The following LSG1 variants were observed in gnomAD, a reference collection of about 807,000 sequenced individuals.
LSG1 encodes the protein large 60S subunit nuclear export GTPase 1, also known as large subunit GTPase 1 homolog.
LSG1 carries 55 observed loss-of-function variants against 82.6 expected under a neutral mutation model. That is an observed-to-expected ratio of 0.67 (90% confidence interval 0.54 to 0.83). LSG1 has a LOEUF of 0.83. Among genes scored for constraint, LSG1 ranks in the 40% least tolerant of loss-of-function variants. LSG1 has a pLI of 0.00. For missense variants in LSG1, 809 were observed against 807.9 expected, an observed-to-expected ratio of 1.00 and a Z score of -0.02; for synonymous variants, 272 against 282.5, an observed-to-expected ratio of 0.96 and a Z score of 0.37.
chr3:194,650,701 G>C, intron 10 of LSG1, 180 bp downstream of exon 10: 1 of 594,612 alleles, frequency 1.7e-6, no homozygotes, highest in South Asian at 2.4e-5. Flanking sequence ...AGGCTACACT[G>C]CTGAAATCAG....
intron 6 of LSG1, 86 bp downstream of exon 6, chr3:194,659,987 G>T: frequency 8.6e-7 from 1 of 1,168,670 alleles, no homozygotes; most frequent in Non-Finnish European, 1.3e-6. Context: ...AGGGCAGAAT[G>T]TATGCCTACA....
In LSG1 at chr3:194,642,151, C is replaced by G. The variant is rs1160580114; in HGVS notation, c.1894G>C (p.Gly632Arg). The part of the protein sequence containing the change: ...VTASTASSEN[G>R]AGKPWKKHGN... The stretch of plus-strand genomic sequence containing the variant: ...TGTTTTTTCCAGGGCTTCCCCGCCC[C>G]GTTCTCAGAGCTCGCAGTGGATGCA... Residue 632 changes from glycine (G) to arginine (R), a missense_variant, in exon 14 of 14, where the codon GGG becomes CGG. Gly to Arg is a moderately radical substitution (Grantham distance 125, BLOSUM62 -2). Transcript: ENST00000265245. The G allele has an allele frequency of 1.2e-5, 19 of 1,613,966 alleles. No individual in the cohort carries two copies. The highest frequency in any genetic ancestry group is 1.6e-5 in the Non-Finnish European group (19 of 1,180,038).
chr3:194,661,189 C>T (rs547679944), intron 5 of LSG1, among the ~76,000 whole-genome samples: 1 of 152,366 alleles, frequency 6.6e-6, no homozygotes, highest in South Asian at 2.1e-4. Flanking sequence ...CTGACACAAA[C>T]TCACAGAGTT....
chr3:194,671,929 G>T, intron 1 of LSG1, 135 bp downstream of exon 1: 1 of 766,966 alleles, frequency 1.3e-6, no homozygotes, highest in Non-Finnish European at 2.2e-6. Context: ...TACTCAGCTT[G>T]GCAGAAACTC....
At chr3:194,660,551 C>T (rs1390548334) in intron 5 of LSG1, among the ~76,000 whole-genome samples, 2 of 152,206 alleles carry the variant, frequency 1.3e-5, no homozygotes, top group Non-Finnish European at 2.9e-5. Context: ...TATTCAATCC[C>T]TAATCTGCCC....
At chr3:194,668,972 A>G (rs917523141) in intron 2 of LSG1, among the ~76,000 whole-genome samples, 5 of 152,188 alleles carry the variant, frequency 3.3e-5, no homozygotes, top group African/African-American at 1.2e-4. Flanking sequence ...ACATGATCTC[A>G]CTTATACGTG....
chr3:194,643,644 C>T (rs919092835), intron 13 of LSG1, among the ~76,000 whole-genome samples: 2 of 152,164 alleles, frequency 1.3e-5, no homozygotes, highest in Admixed American at 6.5e-5. Context: ...TTTGGCAATA[C>T]CTCAAATGTT....
At chr3:194,658,872 G>A in intron 7 of LSG1, 85 bp downstream of exon 7, 4 of 1,328,874 alleles carry the variant, frequency 3.0e-6, no homozygotes, top group Non-Finnish European at 4.2e-6. Context: ...TTTTCCATAA[G>A]AATAAACAAA....
rs528901661 is a variant in LSG1 at position 194,650,077 on chromosome 3, G to A, written c.1419+804C>T. Among the ~76,000 whole-genome samples the A allele has an allele frequency of 5.9e-5, 9 of 152,098 alleles. No homozygotes were observed. The South Asian group carries it at 1.7e-3, about 28-fold the overall frequency. Reference sequence around the variant, plus strand: ...TGGGACTACAGGTGTGCACCACCACGCCCAGCTAATTTTTGTATTTTTAGT... The same window carrying A: ...TGGGACTACAGGTGTGCACCACCACACCCAGCTAATTTTTGTATTTTTAGT... On this transcript the variant is annotated intron_variant, in intron 10 of 13. Transcript: ENST00000265245.
At chr3:194,645,597 C>CACACAG (rs1718532661) in intron 12 of LSG1, among the ~76,000 whole-genome samples, 1 of 112,400 alleles carries the variant, frequency 8.9e-6, no homozygotes, top group African/African-American at 3.6e-5. Flanking sequence ...CACACACACA[C>CACACAG]ACACACACAC....
rs34423045 is a variant in LSG1, at chr3:194,666,524, A to G, written c.275T>C (p.Leu92Pro). The G allele has an allele frequency of 0.051, 82,490 of 1,613,562 alleles. 2,628 individuals carry two copies. The highest frequency in any genetic ancestry group is 0.13 in the Middle Eastern group (766 of 6,054). ...AATTCTCTGGCTCTCCTCGAAAGACAGTAGTCCAGTTCTAGCCTCAGCAGG... is the reference window on the plus strand; with the variant it reads ...AATTCTCTGGCTCTCCTCGAAAGACGGTAGTCCAGTTCTAGCCTCAGCAGG... ...FVPAEARTGLLSFEESQRIKK... is the reference protein window; with the variant it reads ...FVPAEARTGLPSFEESQRIKK... The change falls in exon 3 of 14, where the codon CTG (leucine) becomes CCG (proline). Residue 92 changes from leucine (L) to proline (P), a missense_variant. Physicochemically the swap from Leu to Pro is moderately conservative, Grantham distance 98. Coordinates refer to ENST00000265245, the MANE Select transcript of LSG1 (RefSeq NM_018385.3).
In LSG1 at chr3:194,641,779, A is replaced by G. The variant is rs910677158; in HGVS notation, c.*289T>C. The G allele has an allele frequency of 1.3e-5, 3 of 233,370 alleles. No homozygotes were observed. The highest frequency in any genetic ancestry group is 8.8e-5 in the East Asian group (1 of 11,376). 14.5% of individuals were successfully genotyped at this position (233,370 alleles called of 1,614,324 possible). On this transcript the variant is annotated 3_prime_UTR_variant, in exon 14 of 14. Transcript: ENST00000265245. ...CAGGTGCGCGCCACCACGCCTGGCT[A>G]ATTTTTTTGTATTTTTAGTAGAGAC...
intron 10 of LSG1, 21 bp downstream of exon 10, chr3:194,650,860 T>C: frequency 6.3e-7 from 1 of 1,598,718 alleles, no homozygotes; most frequent in Non-Finnish European, 8.5e-7. Flanking sequence ...AACTAGAGTG[T>C]TTCCAAAGCA....
chr3:194,657,299 CAGTT>C (rs1159835463), intron 7 of LSG1, among the ~76,000 whole-genome samples: 1 of 151,866 alleles, frequency 6.6e-6, no homozygotes, highest in Non-Finnish European at 1.5e-5. Context: ...CAAAAATTCA[CAGTT>C]AGAAGGCAAG....
intron 7 of LSG1, among the ~76,000 whole-genome samples, chr3:194,658,668 G>A (rs1476643772): frequency 6.6e-6 from 1 of 152,020 alleles, no homozygotes; most frequent in East Asian, 1.9e-4. Context: ...CAGTTACAGG[G>A]TCATTGTGGA....
intron 7 of LSG1, 131 bp downstream of exon 7, chr3:194,658,826 T>C (rs1401509129): frequency 2.2e-6 from 2 of 924,178 alleles, no homozygotes; most frequent in Non-Finnish European, 3.4e-6. Flanking sequence ...GTCATCCTAA[T>C]CCAGCACACA....
rs1718515643 is a variant in LSG1, at chr3:194,645,537, C to CACACACACACACAGACAG, written c.1623+626_1623+627insCTGTCTGTGTGTGTGTGT. 8 of 27,278 alleles carry CACACACACACACAGACAG rather than the reference C, an allele frequency of 2.9e-4. 1 individual carries two copies. The East Asian group carries it at 5.7e-3, about 19-fold the overall frequency. 1.7% of individuals were successfully genotyped at this position (27,278 alleles called of 1,614,324 possible). On this transcript the variant is annotated intron_variant, in intron 12 of 13. Transcript: ENST00000265245. ...ACACACACACACACACACAGACAGACACACACACACACACACACACACACA... is the reference window on the plus strand; with the variant it reads ...ACACACACACACACACACAGACAGACACACACACACACAGACAGACACACACACACACACACACACACA...
At chr3:194,647,362 A>C (rs983751515) in intron 11 of LSG1, among the ~76,000 whole-genome samples, 4 of 152,248 alleles carry the variant, frequency 2.6e-5, no homozygotes, top group East Asian at 1.9e-4. Flanking sequence ...CAAATCATTA[A>C]GACAGAACCA....
intron 13 of LSG1, among the ~76,000 whole-genome samples, 174 bp downstream of exon 13, chr3:194,644,384 AAATAAATAAATAAAT>A (rs1718469223): frequency 2.0e-5 from 2 of 99,378 alleles, no homozygotes; most frequent in Admixed American, 1.9e-4. Flanking sequence ...AAAAAAATAA[AAATAAATAAATAAAT>A]AAATAAATAA....
Sources: allele counts gnomAD v4.1 joint callset (sites outside exome capture counted in the v4.1 genomes callset), GRCh38; gene constraint gnomAD v4.1.1; transcripts MANE v1.5; gene names NCBI Gene and HGNC (gene_info 2026-07-23, HGNC 2026-07-21).